The following DLG2 variants were observed in gnomAD, a reference collection of about 807,000 sequenced individuals.
DLG2 encodes disks large homolog 2.
In DLG2, 45 loss-of-function variants were observed where a neutral mutation model predicts 132.5. The ratio of observed to expected loss-of-function variants is 0.34; its 90% CI spans 0.27 to 0.44. The LOEUF is 0.44. DLG2 is among the 20% of genes least tolerant of loss of function. DLG2 has a pLI of 1.00. For synonymous variants in DLG2, 424 were observed against 419.6 expected, an observed-to-expected ratio of 1.01 and a Z score of -0.13; for missense variants, 1,045 against 1,196.9, an observed-to-expected ratio of 0.87 and a Z score of 1.87.
At chr11:84,476,143 T>C (rs938378782) in intron 7 of DLG2, among the ~76,000 whole-genome samples, 2 of 152,144 alleles carry the variant, frequency 1.3e-5, no homozygotes, top group African/African-American at 4.8e-5. Context: ...GAGTACCCTG[T>C]TGTTCAGAGA....
At chr11:85,145,960 G>C (rs2076808933) in intron 5 of DLG2, among the ~76,000 whole-genome samples, 1 of 152,110 alleles carries the variant, frequency 6.6e-6, no homozygotes, top group Non-Finnish European at 1.5e-5. Flanking sequence ...CAGCTTGTTT[G>C]TACCTATCCT....
intron 18 of DLG2, among the ~76,000 whole-genome samples, chr11:83,650,452 T>C (rs1200740608): frequency 1.3e-5 from 2 of 152,162 alleles, no homozygotes; most frequent in Non-Finnish European, 2.9e-5. Context: ...GGATTTCTTA[T>C]AGAGTCTTCA....
chr11:84,708,229 C>T (rs2059980361), intron 6 of DLG2, among the ~76,000 whole-genome samples: 1 of 151,842 alleles, frequency 6.6e-6, no homozygotes, highest in Non-Finnish European at 1.5e-5. Flanking sequence ...ATATCTACCT[C>T]ATAGAGATGT....
chr11:85,256,784 TA>T (rs1014345063), intron 4 of DLG2, among the ~76,000 whole-genome samples: 10 of 151,898 alleles, frequency 6.6e-5, no homozygotes, highest in Non-Finnish European at 1.2e-4. Flanking sequence ...CTTTGGCCAT[TA>T]AAAAAAAGTC....
chr11:84,892,962 G>A (rs548629118), intron 6 of DLG2, among the ~76,000 whole-genome samples: 1 of 152,148 alleles, frequency 6.6e-6, no homozygotes, highest in Admixed American at 6.5e-5. Flanking sequence ...CTCAAGTGAA[G>A]GTAAGAGACT....
intron 3 of DLG2, 144 bp downstream of exon 3, chr11:85,598,513 A>T: frequency 2.1e-6 from 1 of 469,438 alleles, no homozygotes; most frequent in Non-Finnish European, 3.5e-6. Flanking sequence ...AACAAAATAA[A>T]ACAAAACAAA....
At chr11:84,318,900 T>C (rs911675782) in intron 7 of DLG2, among the ~76,000 whole-genome samples, 1 of 152,104 alleles carries the variant, frequency 6.6e-6, no homozygotes, top group Non-Finnish European at 1.5e-5. Flanking sequence ...GATGAATGGA[T>C]GGTTGGGTGG....
At chr11:84,581,983 G>A (rs915700852) in intron 6 of DLG2, among the ~76,000 whole-genome samples, 1 of 150,278 alleles carries the variant, frequency 6.7e-6, no homozygotes, top group South Asian at 2.1e-4. Flanking sequence ...CATTGATTTA[G>A]TGTTCATATT....
chr11:84,850,022 A>T (rs2081989040), intron 6 of DLG2, among the ~76,000 whole-genome samples: 2 of 152,128 alleles, frequency 1.3e-5, no homozygotes, highest in Non-Finnish European at 2.9e-5. Flanking sequence ...CTAATTATTT[A>T]TTCAATTTTG....
At chr11:84,751,542 G>A (rs1229364913) in intron 6 of DLG2, among the ~76,000 whole-genome samples, 2 of 152,036 alleles carry the variant, frequency 1.3e-5, no homozygotes, top group East Asian at 3.9e-4. Context: ...AGAAATCACA[G>A]CATTCACATA....
rs531029486 is a variant in DLG2 at position 83,532,220 on chromosome 11, G to C, written c.2193+488C>G. On this transcript the variant is annotated intron_variant, in intron 21 of 27. Transcript: ENST00000376104. ...ATATGTGAGTAAATATTCTAATTTT[G>C]ATGGCTAAATTTTAGTCATTAATTC... Among the ~76,000 whole-genome samples, 4 of 152,096 alleles carry C rather than the reference G, an allele frequency of 2.6e-5. 1 individual carries two copies. The South Asian group carries it at 8.3e-4, about 32-fold the overall frequency.
intron 3 of DLG2, among the ~76,000 whole-genome samples, chr11:85,584,628 G>A (rs1188838543): frequency 6.6e-6 from 1 of 152,148 alleles, no homozygotes; most frequent in Admixed American, 6.5e-5. Flanking sequence ...CCCACCAGCA[G>A]TGTAAAACTG....
chr11:84,337,158 C>T (rs577758010), intron 7 of DLG2, among the ~76,000 whole-genome samples: 5 of 152,052 alleles, frequency 3.3e-5, no homozygotes, highest in Middle Eastern at 3.2e-3. Flanking sequence ...TATAAAATTA[C>T]GTTATGGGCT....
intron 4 of DLG2, among the ~76,000 whole-genome samples, chr11:85,221,593 T>G (rs1038247174): frequency 2.0e-5 from 3 of 152,232 alleles, no homozygotes; most frequent in Admixed American, 1.3e-4. Flanking sequence ...ATCTCAAGTT[T>G]ACAAAGTTCT....
rs369651884 is a variant in DLG2 at position 84,251,637 on chromosome 11, C to CTTTTTTTTTTTT, written c.520-347_520-346insAAAAAAAAAAAA. On this transcript the variant is annotated intron_variant, in intron 7 of 27. Coordinates refer to ENST00000376104, the MANE Select transcript of DLG2 (RefSeq NM_001142699.3). ...GTAAGAGTTAAAACTTGTATCTTTT[C>CTTTTTTTTTTTT]TTTCTTTTTTTTTTTTTTTTGTGAG... Among the ~76,000 whole-genome samples the CTTTTTTTTTTTT allele has an allele frequency of 7.7e-5, 10 of 130,038 alleles. 4 individuals are homozygous for CTTTTTTTTTTTT. Among genetic ancestry groups the CTTTTTTTTTTTT allele is most frequent in the African/African-American group, 8.7e-5 (3 of 34,556 alleles). The allele number at this position is 130,038 out of a possible 152,430, so 85.3% of individuals were successfully genotyped here. A position where few individuals can be genotyped will look rare whatever the true frequency, so the allele number is the denominator to read the frequency against.
chr11:83,524,716 C>A (rs552682519), intron 21 of DLG2, among the ~76,000 whole-genome samples: 1 of 152,276 alleles, frequency 6.6e-6, no homozygotes, highest in East Asian at 1.9e-4. Flanking sequence ...AAGCTTTGTA[C>A]TTATGCTTTG....
chr11:85,126,181 G>C (rs349076), intron 5 of DLG2, among the ~76,000 whole-genome samples: 82,283 of 151,964 alleles, frequency 0.54, 22,666 homozygotes, highest in Middle Eastern at 0.64. Context: ...AGATAGGGAA[G>C]GTAACACAGA....
At chr11:83,635,887 GACT>G (rs2064707909) in intron 18 of DLG2, among the ~76,000 whole-genome samples, 1 of 152,126 alleles carries the variant, frequency 6.6e-6, no homozygotes. Flanking sequence ...CCAGAAGTGG[GACT>G]ACTGGTCAAA....
intron 19 of DLG2, among the ~76,000 whole-genome samples, chr11:83,601,461 A>G (rs1169727423): frequency 6.7e-6 from 1 of 149,262 alleles, no homozygotes; most frequent in Non-Finnish European, 1.5e-5. Flanking sequence ...AACAACTTGT[A>G]TAATCAGCCA....
Sources: allele counts gnomAD v4.1 joint callset (sites outside exome capture counted in the v4.1 genomes callset), GRCh38; gene constraint gnomAD v4.1.1; transcripts MANE v1.5; gene names NCBI Gene and HGNC (gene_info 2026-07-23, HGNC 2026-07-21).